The following GSG1L variants were observed in gnomAD, a reference collection of about 807,000 sequenced individuals.
The protein encoded by GSG1L is GSG1 like.
GSG1L carries 24 observed loss-of-function variants against 42.1 expected under a neutral mutation model. The ratio of observed to expected loss-of-function variants is 0.57; its 90% CI spans 0.41 to 0.80. The LOEUF (loss-of-function observed/expected upper bound fraction) is 0.80, where lower values mean the gene tolerates loss of function less well. Ranked by LOEUF, GSG1L falls within the 30% of genes least tolerant of loss-of-function variation. GSG1L has a pLI of 0.00. For missense variants in GSG1L, 445 were observed against 472.2 expected, an observed-to-expected ratio of 0.94 and a Z score of 0.53; for synonymous variants, 215 against 203.5, an observed-to-expected ratio of 1.06 and a Z score of -0.48.
intron 6 of GSG1L, among the ~76,000 whole-genome samples, chr16:27,801,509 C>T (rs1270481122): frequency 3.3e-5 from 5 of 152,112 alleles, no homozygotes; most frequent in Admixed American, 2.6e-4. Flanking sequence ...AGCTGCTCCC[C>T]GCAGAAATAT....
At chr16:28,002,401 A>C (rs1358963770) in intron 1 of GSG1L, among the ~76,000 whole-genome samples, 2 of 152,168 alleles carry the variant, frequency 1.3e-5, no homozygotes, top group Non-Finnish European at 2.9e-5. Context: ...CGAGAGGACC[A>C]CTTGAGCCCA....
intron 2 of GSG1L, among the ~76,000 whole-genome samples, chr16:27,954,215 C>G (rs1040027257): frequency 6.6e-6 from 1 of 151,974 alleles, no homozygotes; most frequent in Non-Finnish European, 1.5e-5. Flanking sequence ...TACCGCCAAT[C>G]ATTACAGTTA....
intron 1 of GSG1L, among the ~76,000 whole-genome samples, chr16:27,984,739 A>G (rs2085361700): frequency 6.6e-6 from 1 of 151,428 alleles, no homozygotes; most frequent in African/African-American, 2.4e-5. Context: ...TGTTGGTATA[A>G]TTTTTATTTT....
intron 5 of GSG1L, among the ~76,000 whole-genome samples, chr16:27,822,542 T>G (rs1352174803): frequency 6.6e-6 from 1 of 152,092 alleles, no homozygotes; most frequent in East Asian, 1.9e-4. Context: ...TCAGCCTCCC[T>G]GAGTAACTGG....
chr16:27,842,130 A>G (rs2083390778), intron 4 of GSG1L, among the ~76,000 whole-genome samples: 1 of 117,860 alleles, frequency 8.5e-6, no homozygotes, highest in Non-Finnish European at 2.0e-5. Flanking sequence ...TCACATCAGT[A>G]GCACGATGTC....
chr16:28,050,122 G>T (rs914562217), intron 1 of GSG1L, among the ~76,000 whole-genome samples: 1 of 152,076 alleles, frequency 6.6e-6, no homozygotes, highest in African/African-American at 2.4e-5. Context: ...AATACCAAAG[G>T]AGACAAGACA....
At chr16:27,890,096 C>T (rs4286112) in intron 2 of GSG1L, among the ~76,000 whole-genome samples, 9,865 of 152,220 alleles carry the variant, frequency 0.065, 421 homozygotes, top group Admixed American at 0.11. Context: ...CATATTCTCC[C>T]TCTGTTAGCA....
At chr16:27,792,536 A>G (rs1020038042) in intron 6 of GSG1L, among the ~76,000 whole-genome samples, 1 of 152,114 alleles carries the variant, frequency 6.6e-6, no homozygotes, top group African/African-American at 2.4e-5. Flanking sequence ...TGTGGCCTAA[A>G]ATGTCCTTGT....
At chr16:28,044,064 A>G (rs746588072) in intron 1 of GSG1L, among the ~76,000 whole-genome samples, 4 of 152,164 alleles carry the variant, frequency 2.6e-5, no homozygotes, top group Non-Finnish European at 5.9e-5. Context: ...AACAAAAATG[A>G]TGATAATACA....
chr16:27,887,433 G>A (rs2084043894), intron 2 of GSG1L, among the ~76,000 whole-genome samples: 1 of 152,214 alleles, frequency 6.6e-6, no homozygotes, highest in Non-Finnish European at 1.5e-5. Context: ...ATCCAGCCAT[G>A]CCTGAGGCTG....
intron 3 of GSG1L, among the ~76,000 whole-genome samples, chr16:27,873,607 G>A (rs575441671): frequency 2.8e-4 from 42 of 152,312 alleles, no homozygotes; most frequent in Non-Finnish European, 5.6e-4. Context: ...ACAGCCCCAA[G>A]CAAAGGCAGA....
intron 2 of GSG1L, among the ~76,000 whole-genome samples, chr16:27,936,414 G>C (rs1290367591): frequency 6.6e-6 from 1 of 152,110 alleles, no homozygotes; most frequent in Non-Finnish European, 1.5e-5. Flanking sequence ...CACTCTATTC[G>C]TTTCTGCAGG....
At chr16:27,873,219 G>GT (rs1333536576) in intron 3 of GSG1L, among the ~76,000 whole-genome samples, 1 of 152,188 alleles carries the variant, frequency 6.6e-6, no homozygotes, top group Non-Finnish European at 1.5e-5. Flanking sequence ...AAATCCAAAT[G>GT]TTTTTTGCAA....
At chr16:28,007,996 T>G (rs893425348) in intron 1 of GSG1L, among the ~76,000 whole-genome samples, 1 of 152,146 alleles carries the variant, frequency 6.6e-6, no homozygotes, top group Non-Finnish European at 1.5e-5. Context: ...ACTGCACGCA[T>G]TTTACGAGCC....
At chr16:27,923,886 A>C (rs920773041) in intron 2 of GSG1L, among the ~76,000 whole-genome samples, 1 of 152,100 alleles carries the variant, frequency 6.6e-6, no homozygotes, top group African/African-American at 2.4e-5. Context: ...GAACCCTTGT[A>C]ATTAAAAGAA....
intron 1 of GSG1L, among the ~76,000 whole-genome samples, chr16:28,009,068 C>A (rs752459090): frequency 3.3e-5 from 5 of 152,144 alleles, no homozygotes; most frequent in Admixed American, 3.3e-4. Context: ...CTTGGCCTCC[C>A]GAAGTACTGG....
chr16:27,902,788 G>A (rs1437248438), intron 2 of GSG1L, among the ~76,000 whole-genome samples: 1 of 152,170 alleles, frequency 6.6e-6, no homozygotes, highest in Non-Finnish European at 1.5e-5. Context: ...GAATGAAAAC[G>A]ATGTCCGCCT....
intron 1 of GSG1L, among the ~76,000 whole-genome samples, chr16:28,034,384 C>T (rs548555031): frequency 4.8e-4 from 73 of 151,922 alleles, no homozygotes; most frequent in African/African-American, 1.3e-3. Flanking sequence ...TGGCTGCAAG[C>T]GACAAAATCC....
intron 1 of GSG1L, among the ~76,000 whole-genome samples, chr16:28,014,193 G>C (rs555598141): frequency 3.3e-5 from 5 of 152,356 alleles, no homozygotes; most frequent in African/African-American, 9.6e-5. Context: ...AAGAATCAAG[G>C]AAGACTTCCT....
Sources: gnomAD v4.1 joint callset for allele counts (sites outside exome capture counted in the v4.1 genomes callset) on GRCh38, gnomAD v4.1.1 for gene constraint, MANE v1.5 for transcripts, NCBI Gene and HGNC (gene_info 2026-07-23, HGNC 2026-07-21) for gene names.